CAPN14: variants seen among roughly 807,000 people sequenced by gnomAD.
CAPN14 encodes calpain-14.
In CAPN14, 94 loss-of-function variants were observed where a neutral mutation model predicts 101.3. That is an observed-to-expected ratio of 0.93 (90% CI 0.79 to 1.10). CAPN14 has a LOEUF of 1.10. CAPN14 is among the 50% of genes least tolerant of loss of function. The probability of loss-of-function intolerance (pLI) is 0.00; values close to 1 mark genes in which losing one functional copy is unlikely to be tolerated. For synonymous variants in CAPN14, 338 were observed against 317.9 expected (o/e 1.06, Z -0.67); for missense variants, 837 against 828.4 (o/e 1.01, Z -0.13).
Position 31,188,323 on chromosome 2 carries a change from A to G in CAPN14, c.1525T>C (p.Ser509Pro). ...EIGSNSGVVFSKEIEDQNERQ... is the reference protein window; with the variant it reads ...EIGSNSGVVFPKEIEDQNERQ... Reference sequence around the variant, plus strand: ...AATTCCACCAGACTACTCACCTTTGAGAAGACGACACCAGAATTGCTGCCA... The same window carrying G: ...AATTCCACCAGACTACTCACCTTTGGGAAGACGACACCAGAATTGCTGCCA... The change falls in exon 14 of 22, where the codon TCA becomes CCA. Residue 509 changes from serine (S) to proline (P), a missense_variant. Ser to Pro is a moderately conservative substitution (Grantham distance 74, BLOSUM62 -1). Coordinates refer to ENST00000403897, the MANE Select transcript of CAPN14 (RefSeq NM_001145122.2). The G allele has an allele frequency of 6.4e-7, 1 of 1,551,590 alleles. No individual in the cohort carries two copies. Among genetic ancestry groups the G allele is most frequent in the Non-Finnish European group, 8.7e-7 (1 of 1,146,868 alleles).
chr2:31,212,135 C>T (rs931466570), intron 1 of CAPN14, among the ~76,000 whole-genome samples: 2 of 152,036 alleles, frequency 1.3e-5, no homozygotes, highest in African/African-American at 4.8e-5. Context: ...CATGGCAAAA[C>T]CCCATCTCCA....
chr2:31,224,149 T>C (rs1416352970), intron 2 of CAPN14, among the ~76,000 whole-genome samples: 1 of 152,182 alleles, frequency 6.6e-6, no homozygotes, highest in African/African-American at 2.4e-5. Flanking sequence ...AGTATTCTTG[T>C]GGCTATCAAT....
chr2:31,196,363 T>G (rs1170267706), intron 8 of CAPN14, among the ~76,000 whole-genome samples: 1 of 152,228 alleles, frequency 6.6e-6, no homozygotes, highest in Non-Finnish European at 1.5e-5. Flanking sequence ...ATGCTAGACT[T>G]CTGTAGCATG....
At chr2:31,176,531 G>A (rs369292118) in intron 21 of CAPN14, 56 bp downstream of exon 21, 65 of 1,420,450 alleles carry the variant, frequency 4.6e-5, no homozygotes, top group African/African-American at 2.4e-4. Context: ...GCATGGTCCC[G>A]CAAGGGCCAC....
chr2:31,210,157 G>C (rs150771077), intron 1 of CAPN14, among the ~76,000 whole-genome samples: 1,752 of 152,246 alleles, frequency 0.012, 32 homozygotes, highest in Middle Eastern at 0.02. Context: ...TGAAAGTTCA[G>C]TCAGGGCCAG....
At position 31,193,837 on chromosome 2, in the gene CAPN14, T is replaced by C. The variant is rs115183286; in HGVS notation, c.951-543A>G. On this transcript the variant is annotated intron_variant, in intron 9 of 21. Coordinates refer to ENST00000403897, the MANE Select transcript of CAPN14 (RefSeq NM_001145122.2). The stretch of plus-strand genomic sequence containing the variant: ...AAAGGGAGAGGGCGGTGGCAGGCTG[T>C]ACTGGATGGTTAATGGGAGCAGTCC... 5.5e-3 allele frequency among the ~76,000 whole-genome samples: 839 copies of C among 152,234 alleles called. 11 individuals carry two copies. The highest frequency in any genetic ancestry group is 0.019 in the African/African-American group (799 of 41,540).
intron 2 of CAPN14, among the ~76,000 whole-genome samples, chr2:31,224,177 G>T (rs1167003097): frequency 6.6e-6 from 1 of 152,102 alleles, no homozygotes; most frequent in Non-Finnish European, 1.5e-5. Flanking sequence ...TCCTCAAACT[G>T]ACTGCTTGCT....
Position 31,180,991 on chromosome 2 carries a change from C to A in CAPN14, c.1655G>T (p.Ser552Ile). 1 of 1,551,780 alleles carries A rather than the reference C, an allele frequency of 6.4e-7. No homozygotes were observed. Among genetic ancestry groups the A allele is most frequent in the Non-Finnish European group, 8.7e-7 (1 of 1,146,972 alleles). ...TTCCAGGCTAAAGAAGGGCTGTCTG[C>A]TCCCCAGACCTGTGAAGGAGCGAAA... ...LNQMTWSSLGSRQPFFSLEAC... is the reference protein window; with the variant it reads ...LNQMTWSSLGIRQPFFSLEAC... The change falls in exon 17 of 22, where the codon AGC (serine) becomes ATC (isoleucine). Residue 552 changes from serine (S) to isoleucine (I), a missense_variant. Coordinates refer to ENST00000403897, the MANE Select transcript of CAPN14 (RefSeq NM_001145122.2).
rs7591444 is a variant in CAPN14 at position 31,193,101 on chromosome 2, T to A, written c.1114+30A>T. The A allele has an allele frequency of 5.9e-6, 9 of 1,535,088 alleles. No homozygotes were observed. The African/African-American group carries it at 1.2e-4, about 21-fold the overall frequency. ...GACACCCCCGCCCACAACCTCACCC[T>A]GAGAGCCCTGCTCCTGTGCACATGC... On this transcript the variant is annotated intron_variant, in intron 10 of 21. Transcript: ENST00000403897.
intron 16 of CAPN14, among the ~76,000 whole-genome samples, chr2:31,185,600 G>A (rs1159726975): frequency 6.6e-6 from 1 of 152,200 alleles, no homozygotes; most frequent in East Asian, 1.9e-4. Context: ...CAGCCGGGAA[G>A]GGGAGTCTTA....
upstream of CAPN14, among the ~76,000 whole-genome samples, chr2:31,218,942 C>G (rs1343558661): frequency 2.0e-5 from 3 of 147,548 alleles, no homozygotes; most frequent in Non-Finnish European, 4.5e-5. Flanking sequence ...ATAGCAGAAG[C>G]AGTGGATCTG....
At chr2:31,220,557 G>A (rs1442714358), upstream of CAPN14, among the ~76,000 whole-genome samples, 1 of 152,206 alleles carries the variant, frequency 6.6e-6, no homozygotes, top group Non-Finnish European at 1.5e-5. Flanking sequence ...AGGCATGGTG[G>A]CTCACGCCTG....
chr2:31,204,998 C>T (rs368623146), intron 2 of CAPN14, among the ~76,000 whole-genome samples: 9 of 152,144 alleles, frequency 5.9e-5, no homozygotes, highest in East Asian at 5.8e-4. Flanking sequence ...TAGACAGTGT[C>T]GGAATTAAAT....
rs1681228347 is a variant in CAPN14 at position 31,192,179 on chromosome 2, T to C, written c.1115-81A>G. ...TGCCGAACCACTAAGAGGTGAACAGTCTGAGGACGCCTCTGCCAGGATTGA... is the reference window on the plus strand; with the variant it reads ...TGCCGAACCACTAAGAGGTGAACAGCCTGAGGACGCCTCTGCCAGGATTGA... On this transcript the variant is annotated intron_variant, in intron 10 of 21. Coordinates refer to ENST00000403897, the MANE Select transcript of CAPN14 (RefSeq NM_001145122.2). 12 of 1,406,638 alleles carry C rather than the reference T, an allele frequency of 8.5e-6. 1 individual carries two copies. Among genetic ancestry groups the C allele is most frequent in the Middle Eastern group, 1.8e-4 (1 of 5,430 alleles). 87.1% of individuals were successfully genotyped at this position (1,406,638 alleles called of 1,614,324 possible). A position where few individuals can be genotyped will look rare whatever the true frequency, so the allele number is the denominator to read the frequency against.
intron 1 of CAPN14, among the ~76,000 whole-genome samples, chr2:31,232,016 G>T (rs116423311): frequency 6.6e-6 from 1 of 152,178 alleles, no homozygotes; most frequent in Non-Finnish European, 1.5e-5. Context: ...TGGGGTTCAA[G>T]GAGGGAGTCG....
At chr2:31,207,453 C>T (rs981162055) in intron 1 of CAPN14, among the ~76,000 whole-genome samples, 17 of 152,182 alleles carry the variant, frequency 1.1e-4, no homozygotes, top group Non-Finnish European at 2.2e-4. Flanking sequence ...TTAAAAGATA[C>T]ATAAAGTCAA....
Position 31,189,158 on chromosome 2 carries a change from T to C in CAPN14, c.1493+115A>G. On this transcript the variant is annotated intron_variant, in intron 13 of 21. Coordinates refer to ENST00000403897, the MANE Select transcript of CAPN14 (RefSeq NM_001145122.2). ...GTCACCTGGTCTCCTGCTCTCCCCATCTCCCTTTTGTCTCAGCAGCAGAGA... is the reference window on the plus strand; with the variant it reads ...GTCACCTGGTCTCCTGCTCTCCCCACCTCCCTTTTGTCTCAGCAGCAGAGA... 3.4e-6 allele frequency: 3 copies of C among 894,912 alleles called. No homozygotes were observed. In the South Asian group the frequency reaches 4.6e-5, roughly 14 times the overall value. 55.4% of individuals were successfully genotyped at this position (894,912 alleles called of 1,614,324 possible).
intron 7 of CAPN14, among the ~76,000 whole-genome samples, chr2:31,198,216 C>T (rs531053996): frequency 1.3e-5 from 2 of 152,302 alleles, no homozygotes; most frequent in South Asian, 2.1e-4. Flanking sequence ...AAGAATGCAA[C>T]CATTTGTCTC....
chr2:31,188,889 T>C (rs1374770997), intron 13 of CAPN14, among the ~76,000 whole-genome samples: 2 of 152,296 alleles, frequency 1.3e-5, no homozygotes, highest in East Asian at 3.9e-4. Context: ...CCCAGGACCA[T>C]GGGAGTTGGC....
Sources: gnomAD v4.1 joint callset for allele counts (sites outside exome capture counted in the v4.1 genomes callset) on GRCh38, gnomAD v4.1.1 for gene constraint, MANE v1.5 for transcripts, NCBI Gene and HGNC (gene_info 2026-07-23, HGNC 2026-07-21) for gene names.